The following AKAP6 variants were observed in gnomAD, a reference collection of about 807,000 sequenced individuals.
The protein encoded by AKAP6 is A-kinase anchor protein 6.
Under a neutral mutation model 188.5 loss-of-function variants are expected in AKAP6, and 58 were observed. The ratio of observed to expected loss-of-function variants is 0.31; its 90% CI spans 0.25 to 0.38. AKAP6 has a LOEUF of 0.38. AKAP6 is among the 10% of genes least tolerant of loss of function. The pLI is 1.00. For synonymous variants in AKAP6, 989 were observed against 998.6 expected (o/e 0.99, Z 0.18); for missense variants, 2,710 against 2,740.0 (o/e 0.99, Z 0.24).
chr14:32,760,636 A>G (rs1024056383), intron 11 of AKAP6, among the ~76,000 whole-genome samples: 3 of 152,194 alleles, frequency 2.0e-5, no homozygotes, highest in African/African-American at 7.2e-5. Flanking sequence ...TTGAGAGAGC[A>G]GGCAGGAGAG....
chr14:32,772,638 T>C (rs2032934707), intron 11 of AKAP6, among the ~76,000 whole-genome samples: 1 of 152,180 alleles, frequency 6.6e-6, no homozygotes, highest in South Asian at 2.1e-4. Flanking sequence ...GCACCACACT[T>C]AATCATTTTA....
chr14:32,661,255 A>C (rs776033654), intron 7 of AKAP6, among the ~76,000 whole-genome samples: 1 of 152,092 alleles, frequency 6.6e-6, no homozygotes, highest in Non-Finnish European at 1.5e-5. Flanking sequence ...ATATCAGTAA[A>C]TCGTGATAAT....
At chr14:32,482,038 C>T (rs1027591155) in intron 2 of AKAP6, among the ~76,000 whole-genome samples, 3 of 152,090 alleles carry the variant, frequency 2.0e-5, no homozygotes, top group Non-Finnish European at 4.4e-5. Flanking sequence ...TGTGGGTGGA[C>T]TGGCCCATTA....
intron 11 of AKAP6, among the ~76,000 whole-genome samples, chr14:32,766,341 T>A (rs1322454986): frequency 6.6e-6 from 1 of 152,078 alleles, no homozygotes; most frequent in Non-Finnish European, 1.5e-5. Flanking sequence ...TTTTATGTGG[T>A]CATATGTTTT....
At chr14:32,581,694 T>G (rs1884973891) in intron 5 of AKAP6, among the ~76,000 whole-genome samples, 1 of 152,208 alleles carries the variant, frequency 6.6e-6, no homozygotes, top group African/African-American at 2.4e-5. Context: ...TGGGTGCATA[T>G]ATATTTAGGA....
chr14:32,546,917 C>T lies in AKAP6; in HGVS notation c.2264C>T (p.Ala755Val), dbSNP rs749387218. 9 of 1,613,206 alleles carry T rather than the reference C, an allele frequency of 5.6e-6. No homozygotes were observed. Among genetic ancestry groups the T allele is most frequent in the African/African-American group, 2.7e-5 (2 of 74,872 alleles). ...SSSEKNESHS[A>V]TKSALIQKLM... The stretch of plus-strand genomic sequence containing the variant: ...TCTGAGAAAAATGAGAGCCATTCTG[C>T]CACTAAATCAGCTTTAATTCAGAAA... The change falls in exon 4 of 14, where the codon GCC becomes GTC. Residue 755 changes from alanine to valine, a missense_variant. Transcript: ENST00000280979.
chr14:32,603,206 GAC>G (rs1164928678), intron 7 of AKAP6, among the ~76,000 whole-genome samples: 2 of 151,868 alleles, frequency 1.3e-5, no homozygotes, highest in Non-Finnish European at 2.9e-5. Flanking sequence ...GAAGAGAAGT[GAC>G]ATTATTGCGT....
chr14:32,515,758 C>T (rs1881490266), intron 2 of AKAP6, among the ~76,000 whole-genome samples: 1 of 152,120 alleles, frequency 6.6e-6, no homozygotes, highest in African/African-American at 2.4e-5. Context: ...TTTTCATGAT[C>T]ATCTTGAAGC....
intron 4 of AKAP6, among the ~76,000 whole-genome samples, chr14:32,557,377 A>C (rs747041131): frequency 1.3e-4 from 20 of 152,204 alleles, no homozygotes; most frequent in Non-Finnish European, 1.8e-4. Context: ...GATTATGGAC[A>C]GGAGCCGCCG....
intron 2 of AKAP6, among the ~76,000 whole-genome samples, chr14:32,485,553 C>G (rs945983067): frequency 3.3e-5 from 5 of 152,212 alleles, no homozygotes; most frequent in African/African-American, 4.8e-5. Flanking sequence ...TTGCATTTCT[C>G]TAATGACCAG....
At chr14:32,577,997 A>G (rs1043654857) in intron 5 of AKAP6, among the ~76,000 whole-genome samples, 6 of 152,266 alleles carry the variant, frequency 3.9e-5, no homozygotes, top group Admixed American at 2.6e-4. Context: ...TTCAAGCTGT[A>G]AGGATCTCAT....
chr14:32,735,979 T>A, intron 11 of AKAP6, 97 bp downstream of exon 11: 1 of 891,990 alleles, frequency 1.1e-6, no homozygotes, highest in East Asian at 2.5e-5. Flanking sequence ...TGTATCTGTG[T>A]ATCACTGTGC....
rs916259275 is a variant in AKAP6 at position 32,687,770 on chromosome 14, G to C, written c.2880-8220G>C. ...TTTTGTGCTCTGGAACTGTTAAATA[G>C]TAAGGTAACAATGTAGGCTACAGTC... is the stretch of plus-strand genomic sequence containing the variant. On this transcript the variant is annotated intron_variant, in intron 8 of 13. Coordinates refer to ENST00000280979, the MANE Select transcript of AKAP6 (RefSeq NM_004274.5). Among the ~76,000 whole-genome samples the C allele has an allele frequency of 6.6e-5, 10 of 151,992 alleles. 1 individual carries two copies.
At chr14:32,636,130 C>T (rs1221101454) in intron 7 of AKAP6, among the ~76,000 whole-genome samples, 3 of 151,998 alleles carry the variant, frequency 2.0e-5, no homozygotes, top group African/African-American at 7.2e-5. Flanking sequence ...ACATTTTAAA[C>T]CAAAAATCTA....
At chr14:32,353,809 C>A (rs1171367866) in intron 1 of AKAP6, among the ~76,000 whole-genome samples, 1 of 151,954 alleles carries the variant, frequency 6.6e-6, no homozygotes, top group Non-Finnish European at 1.5e-5. Flanking sequence ...TCTTATACGC[C>A]AATAACAGAC....
intron 3 of AKAP6, 133 bp downstream of exon 3, chr14:32,535,938 A>C: frequency 7.5e-7 from 1 of 1,334,522 alleles, no homozygotes; most frequent in East Asian, 2.3e-5. Flanking sequence ...GAATCTAGGC[A>C]TAGTGACTAG....
chr14:32,678,227 T>G, intron 7 of AKAP6, 84 bp from the exon 8 acceptor site: 2 of 1,402,788 alleles, frequency 1.4e-6, no homozygotes, highest in Non-Finnish European at 1.9e-6. Flanking sequence ...TGTGAAGAAT[T>G]CCCATTCTTT....
At chr14:32,723,643 G>A (rs1955497) in intron 9 of AKAP6, among the ~76,000 whole-genome samples, 147,606 of 151,650 alleles carry the variant, frequency 0.97, 71,973 homozygotes, top group Middle Eastern at 1. Flanking sequence ...TGTTGAAGCC[G>A]TATTTCCACA....
chr14:32,825,655 C>A (rs1367652652), intron 13 of AKAP6, among the ~76,000 whole-genome samples: 3 of 152,072 alleles, frequency 2.0e-5, no homozygotes, highest in Non-Finnish European at 1.5e-5. Context: ...CTGTTATTTC[C>A]CATTTCTAAG....
Sources: allele counts gnomAD v4.1 joint callset (sites outside exome capture counted in the v4.1 genomes callset), GRCh38; gene constraint gnomAD v4.1.1; transcripts MANE v1.5; gene names NCBI Gene and HGNC (gene_info 2026-07-23, HGNC 2026-07-21).